The following PRRT3 variants were observed in gnomAD, a reference collection of about 807,000 sequenced individuals.
PRRT3 encodes the protein proline rich transmembrane protein 3, also known as proline-rich transmembrane protein 3.
Under a neutral mutation model 56.6 loss-of-function variants are expected in PRRT3, and 48 were observed. The ratio of observed to expected loss-of-function variants is 0.85; its 90% CI spans 0.67 to 1.08. The LOEUF (loss-of-function observed/expected upper bound fraction) is 1.08, where lower values mean the gene tolerates loss of function less well. PRRT3 is among the 50% of genes least tolerant of loss of function. The pLI, the probability that PRRT3 is intolerant of heterozygous loss-of-function variation, is 0.00. For synonymous variants in PRRT3, 641 were observed against 619.1 expected, an observed-to-expected ratio of 1.04 and a Z score of -0.52; for missense variants, 1,370 against 1,353.1, an observed-to-expected ratio of 1.01 and a Z score of -0.20.
At position 9,949,616 on chromosome 3, in the gene PRRT3, G is replaced by A; in HGVS notation, c.500C>T (p.Thr167Ile). 1 of 1,614,186 alleles carries A rather than the reference G, an allele frequency of 6.2e-7. No individual in the cohort carries two copies. Among genetic ancestry groups the A allele is most frequent in the Non-Finnish European group, 8.5e-7 (1 of 1,180,044 alleles). ...TTPRRQLRVA[T>I]VPPSLQHEGQ... ...TTCATGCTGCAGGGAGGGAGGAACT[G>A]TGGCTACCCTGAGTTGACGTCTGGG... The change falls in exon 2 of 4, where the codon ACA (threonine) becomes ATA (isoleucine). Residue 167 changes from threonine (T) to isoleucine (I), a missense_variant. Transcript: ENST00000412055. The surrounding 1 kb of genome is among the most constrained non-coding windows in gnomAD (Gnocchi z 4.5).
Position 9,947,867 on chromosome 3 carries a change from G to C in PRRT3, c.1306C>G (p.Pro436Ala). 1 of 1,426,890 alleles carries C rather than the reference G, an allele frequency of 7.0e-7. No individual in the cohort carries two copies. Among genetic ancestry groups the C allele is most frequent in the Non-Finnish European group, 9.2e-7 (1 of 1,090,368 alleles). The allele number at this position is 1,426,890 out of a possible 1,614,324, so 88.4% of individuals were successfully genotyped here. A position where few individuals can be genotyped will look rare whatever the true frequency, so the allele number is the denominator to read the frequency against. ...RALGQPPPPE[P>A]TASSMASAPA... ...GCTGAAGCCATGGAGCTGGCGGTGG[G>C]CTCCGGAGGGGGAGGCTGGCCCAGG... Residue 436 changes from proline to alanine, a missense_variant, in exon 4 of 4, where the codon CCC (proline) becomes GCC (alanine). Transcript: ENST00000412055. This position sits in a 1 kb window ranked among gnomAD's most constrained non-coding sequence, Gnocchi z 9.2.
chr3:9,947,993 C>A lies in PRRT3; in HGVS notation c.1180G>T (p.Glu394Ter). 1 of 1,343,320 alleles carries A rather than the reference C, an allele frequency of 7.4e-7. No individual in the cohort carries two copies. The highest frequency in any genetic ancestry group is 2.8e-5 in the East Asian group (1 of 35,480). The allele number at this position is 1,343,320 out of a possible 1,614,324, so 83.2% of individuals were successfully genotyped here. A position where few individuals can be genotyped will look rare whatever the true frequency, so the allele number is the denominator to read the frequency against. ...CTTTGGGGGCGCCCCGGCCACTCCT[C>A]GGCTTCATCTGCAATTATAACAATA... ...PMGALQPDEA[E>*]EWPGRPQSHP... The change falls in exon 4 of 4, where the codon GAG becomes TAG. Residue 394 changes from glutamate (E) to a stop codon, truncating the protein, a stop_gained. Transcript: ENST00000412055. LOFTEE classifies it high-confidence loss of function. The surrounding 1 kb of genome is among the most constrained non-coding windows in gnomAD (Gnocchi z 9.2).
chr3:9,950,174 T>TAA lies in PRRT3; in HGVS notation c.-57-4_-57-3dup. On this transcript the variant is annotated splice_polypyrimidine_tract_variant and splice_region_variant and intron_variant, in intron 1 of 3. Coordinates refer to ENST00000412055, the MANE Select transcript of PRRT3 (RefSeq NM_207351.5). ...CCTTCCAGTCCTCACTGGATGAGCC[T>TAA]AAAAAAAAAACAGGGCATGGAATGA... 34 of 1,092,526 alleles carry TAA rather than the reference T, an allele frequency of 3.1e-5. No homozygotes were observed. The highest frequency in any genetic ancestry group is 1.1e-4 in the South Asian group (3 of 27,466). The allele number at this position is 1,092,526 out of a possible 1,614,324, so 67.7% of individuals were successfully genotyped here.
At position 9,946,255 on chromosome 3, in the gene PRRT3, C is replaced by A; in HGVS notation, c.2918G>T (p.Ser973Ile). The change falls in exon 4 of 4, where the codon AGC becomes ATC. Residue 973 changes from serine (S) to isoleucine (I), a missense_variant. Ser to Ile is a moderately radical substitution (Grantham distance 142, BLOSUM62 -2). Transcript: ENST00000412055. The surrounding 1 kb of genome is among the most constrained non-coding windows in gnomAD (Gnocchi z 4.1). ...QPRGKPGESR[S>I]ASSDTIEL ...AAGCTCGATGGTATCACTGGAGGCGCTGCGGGATTCCCCAGGCTTGCCGCG... is the reference window on the plus strand; with the variant it reads ...AAGCTCGATGGTATCACTGGAGGCGATGCGGGATTCCCCAGGCTTGCCGCG... 2 of 1,612,770 alleles carry A rather than the reference C, an allele frequency of 1.2e-6. No homozygotes were observed. Among genetic ancestry groups the A allele is most frequent in the Non-Finnish European group, 1.7e-6 (2 of 1,179,834 alleles).
rs2085598844 is a variant in PRRT3, at chr3:9,950,004, C to G, written c.112G>C (p.Glu38Gln). 1.3e-6 allele frequency: 2 copies of G among 1,533,826 alleles called. No homozygotes were observed. Among genetic ancestry groups the G allele is most frequent in the African/African-American group, 1.4e-5 (1 of 71,904 alleles). ...RGFPRPLENS[E>Q]IPMIPGAHPK... ...TGGGCTCCAGGGATCATAGGGATTT[C>G]GGAGTTTTCAAGTGGCCTGGGAAAG... The change falls in exon 2 of 4, where the codon GAA becomes CAA. Residue 38 changes from glutamate to glutamine, a missense_variant. Transcript: ENST00000412055.
At position 9,950,007 on chromosome 3, in the gene PRRT3, AGTTTTC is replaced by A. The variant is rs774453671; in HGVS notation, c.103_108del (p.Glu35_Asn36del). 3.3e-6 allele frequency: 5 copies of A among 1,531,530 alleles called. No individual in the cohort carries two copies. The highest frequency in any genetic ancestry group is 1.8e-4 in the Middle Eastern group (1 of 5,650). 94.9% of individuals were successfully genotyped at this position (1,531,530 alleles called of 1,614,324 possible). A position where few individuals can be genotyped will look rare whatever the true frequency, so the allele number is the denominator to read the frequency against. On this transcript the variant is annotated inframe_deletion, in exon 2 of 4. Coordinates refer to ENST00000412055, the MANE Select transcript of PRRT3 (RefSeq NM_207351.5). ...GCTCCAGGGATCATAGGGATTTCGG[AGTTTTC>A]AAGTGGCCTGGGAAAGCCCCTCCCC...
In PRRT3 at chr3:9,946,863, G is replaced by T; in HGVS notation, c.2310C>A (p.Gly770=). ...ESGQLATPSS[G]AWGSAASLGR... ...CCAACGACGCAGCCGAGCCCCAGGC[G>T]CCTGAACTGGGCGTGGCCAGCTGCC... Residue 770 remains glycine (G), a synonymous_variant, in exon 4 of 4, where the codon GGC becomes GGA. Coordinates refer to ENST00000412055, the MANE Select transcript of PRRT3 (RefSeq NM_207351.5). The surrounding 1 kb of genome is among the most constrained non-coding windows in gnomAD (Gnocchi z 4.1). 6.5e-6 allele frequency: 10 copies of T among 1,539,558 alleles called. No individual in the cohort carries two copies. Among genetic ancestry groups the T allele is most frequent in the East Asian group, 2.4e-5 (1 of 41,446 alleles).
rs780516762 is a variant in PRRT3 at position 9,949,261 on chromosome 3, C to T, written c.855G>A (p.Pro285=). The T allele has an allele frequency of 1.7e-5, 28 of 1,602,966 alleles. No homozygotes were observed. Among genetic ancestry groups the T allele is most frequent in the Middle Eastern group, 1.7e-4 (1 of 5,998 alleles). ...CGCCAGCCCTCTTGGGGGTCTCAAC[C>T]GGCAGCTCCTCAGCAGGAGGAAGGC... ...ARSLPPAEEL[P]VETPKRAGAE... The change falls in exon 2 of 4, where the codon CCG becomes CCA. Residue 285 remains proline, a synonymous_variant. Transcript: ENST00000412055. This position sits in a 1 kb window ranked among gnomAD's most constrained non-coding sequence, Gnocchi z 4.5.
Position 9,946,742 on chromosome 3 carries a change from T to C in PRRT3, c.2431A>G (p.Asn811Asp). Residue 811 changes from asparagine (N) to aspartate (D), a missense_variant, in exon 4 of 4, where the codon AAC (asparagine) becomes GAC (aspartate). By Grantham distance (23) the Asn-to-Asp change is conservative. Transcript: ENST00000412055. This position sits in a 1 kb window ranked among gnomAD's most constrained non-coding sequence, Gnocchi z 4.1. ...GCGGCGTCGATGCTGCGGCTCAGGT[T>C]GATGGGCGATGGCGGCCGCAGATCC... ...ELDLRPPSPI[N>D]LSRSIDAALF... 6.6e-7 allele frequency: 1 copy of C among 1,525,854 alleles called. No homozygotes were observed. Among genetic ancestry groups the C allele is most frequent in the Non-Finnish European group, 8.7e-7 (1 of 1,145,692 alleles). The allele number at this position is 1,525,854 out of a possible 1,614,324, so 94.5% of individuals were successfully genotyped here.
Position 9,946,444 on chromosome 3 carries a change from C to T in PRRT3, c.2729G>A (p.Gly910Asp), listed in dbSNP as rs1208780430. Residue 910 changes from glycine (G) to aspartate (D), a missense_variant, in exon 4 of 4, where the codon GGT becomes GAT. Transcript: ENST00000412055. This position sits in a 1 kb window ranked among gnomAD's most constrained non-coding sequence, Gnocchi z 4.1. ...GGGGTTCCAACTGATCTTGAGTGAA[C>T]CCCTGGAGAAGCTGTCGAGGGAGCT... is the stretch of plus-strand genomic sequence containing the variant. ...SGSSLDSFSR[G>D]SLKISWNPWR... is the part of the protein sequence containing the mutation. The T allele has an allele frequency of 6.3e-7, 1 of 1,587,384 alleles. No homozygotes were observed. Among genetic ancestry groups the T allele is most frequent in the Non-Finnish European group, 8.6e-7 (1 of 1,167,154 alleles).
At position 9,947,406 on chromosome 3, in the gene PRRT3, G is replaced by A; in HGVS notation, c.1767C>T (p.Asp589=). 1 of 1,612,472 alleles carries A rather than the reference G, an allele frequency of 6.2e-7. No individual in the cohort carries two copies. Among genetic ancestry groups the A allele is most frequent in the Non-Finnish European group, 8.5e-7 (1 of 1,179,648 alleles). ...LVHGVGLLAT[D]LLSTWSVLNL... ...TGAGCACAGACCATGTGGACAGCAG[G>A]TCTGTCGCGAGCAACCCTACACCAT... Residue 589 remains aspartate (D), a synonymous_variant, in exon 4 of 4, where the codon GAC becomes GAT. Transcript: ENST00000412055. The surrounding 1 kb of genome is among the most constrained non-coding windows in gnomAD (Gnocchi z 9.2).
chr3:9,948,882 G>A lies in PRRT3; in HGVS notation c.1047C>T (p.Ile349=), dbSNP rs757174202. Reference sequence around the variant, plus strand: ...CAGCTCCTCTCACCCGCTGGGGGGAGATGGGGTCTGCTCCATTCATTGCTG... The same window carrying A: ...CAGCTCCTCTCACCCGCTGGGGGGAAATGGGGTCTGCTCCATTCATTGCTG... ...ERAAMNGADP[I]SPQRVRGAVE... Residue 349 remains isoleucine, a synonymous_variant, in exon 3 of 4, where the codon ATC becomes ATT. Transcript: ENST00000412055. 6.2e-7 allele frequency: 1 copy of A among 1,604,200 alleles called. No homozygotes were observed. The highest frequency in any genetic ancestry group is 1.7e-5 in the Admixed American group (1 of 57,992).
rs1234779604 is a variant in PRRT3 at position 9,949,747 on chromosome 3, G to T, written c.369C>A (p.Ser123Arg). The change falls in exon 2 of 4, where the codon AGC (serine) becomes AGA (arginine). Residue 123 changes from serine (S) to arginine (R), a missense_variant. Ser to Arg is a moderately radical substitution (Grantham distance 110, BLOSUM62 -1). Transcript: ENST00000412055. This position sits in a 1 kb window ranked among gnomAD's most constrained non-coding sequence, Gnocchi z 4.5. ...CCAGAGGTCCTGTCCAGCCGTGGGA[G>T]CTTGGTCCTTGAGCCATCTGGAGGT... ...TDDLQMAQGP[S>R]SHGWTGPLDS... is the part of the protein sequence containing the mutation. 6.2e-7 allele frequency: 1 copy of T among 1,614,192 alleles called. No individual in the cohort carries two copies. The highest frequency in any genetic ancestry group is 8.5e-7 in the Non-Finnish European group (1 of 1,180,030).
In PRRT3 at chr3:9,950,144, C is replaced by T. The variant is rs1055148199; in HGVS notation, c.-29G>A. 3.1e-5 allele frequency: 44 copies of T among 1,398,660 alleles called. No individual in the cohort carries two copies. The highest frequency in any genetic ancestry group is 4.1e-5 in the Non-Finnish European group (44 of 1,071,174). 86.6% of individuals were successfully genotyped at this position (1,398,660 alleles called of 1,614,324 possible). ...CTACTCCGATGCCTGGGCCTAAAGC[C>T]CCCACCTTCCAGTCCTCACTGGATG... is the stretch of plus-strand genomic sequence containing the variant. On this transcript the variant is annotated 5_prime_UTR_variant, in exon 2 of 4. Transcript: ENST00000412055.
In PRRT3 at chr3:9,947,824, G is replaced by A; in HGVS notation, c.1349C>T (p.Pro450Leu). 2 of 1,441,212 alleles carry A rather than the reference G, an allele frequency of 1.4e-6. No homozygotes were observed. Among genetic ancestry groups the A allele is most frequent in the East Asian group, 2.6e-5 (1 of 38,182 alleles). 89.3% of individuals were successfully genotyped at this position (1,441,212 alleles called of 1,614,324 possible). ...TAGCGGGGGTGCAGTGGCGTTGGCT[G>A]GGGGGCTGGAGGCTGGGGCTGAAGC... ...SMASAPASSP[P>L]ANATAPPLRW... The change falls in exon 4 of 4, where the codon CCA becomes CTA. Residue 450 changes from proline (P) to leucine (L), a missense_variant. Pro to Leu is a moderately conservative substitution (Grantham distance 98, BLOSUM62 -3). Coordinates refer to ENST00000412055, the MANE Select transcript of PRRT3 (RefSeq NM_207351.5). The surrounding 1 kb of genome is among the most constrained non-coding windows in gnomAD (Gnocchi z 9.2).
chr3:9,947,480 GC>G lies in PRRT3; in HGVS notation c.1692del (p.Pro565ArgfsTer19). ...AGGAGTGGGTTTTGCAGCGGTGGCGGCAGCCCCGCGCCCAGGCCGAGCAGAG... is the reference window on the plus strand; with the variant it reads ...AGGAGTGGGTTTTGCAGCGGTGGCGGAGCCCCGCGCCCAGGCCGAGCAGAG... ...ALTLLGLGAG[L>X]PPPLQNPLLL... On this transcript the variant is annotated frameshift_variant, in exon 4 of 4. Transcript: ENST00000412055. LOFTEE classifies it high-confidence loss of function. This position sits in a 1 kb window ranked among gnomAD's most constrained non-coding sequence, Gnocchi z 9.2. The G allele has an allele frequency of 1.2e-6, 2 of 1,612,268 alleles. No homozygotes were observed. The highest frequency in any genetic ancestry group is 1.7e-6 in the Non-Finnish European group (2 of 1,179,628).
rs770495690 is a variant in PRRT3 at position 9,949,990 on chromosome 3, G to A, written c.126C>T (p.Ile42=). 9.1e-6 allele frequency: 14 copies of A among 1,543,442 alleles called. No individual in the cohort carries two copies. In the South Asian group the frequency reaches 1.6e-4, roughly 18 times the overall value. ...RPLENSEIPM[I]PGAHPKGSVG... ...CAGAGCCCTTGGGGTGGGCTCCAGG[G>A]ATCATAGGGATTTCGGAGTTTTCAA... The change falls in exon 2 of 4, where the codon ATC becomes ATT. Residue 42 remains isoleucine (I), a synonymous_variant. Transcript: ENST00000412055. This position sits in a 1 kb window ranked among gnomAD's most constrained non-coding sequence, Gnocchi z 4.5.
In PRRT3 at chr3:9,949,108, A is replaced by C. The variant is rs2085576849; in HGVS notation, c.1008T>G (p.Ser336=). 1 of 1,602,342 alleles carries C rather than the reference A, an allele frequency of 6.2e-7. No individual in the cohort carries two copies. The highest frequency in any genetic ancestry group is 1.7e-5 in the Admixed American group (1 of 57,772). ...ACACTCATTGATACCCACCTGGCTT[A>C]GACGGCCGATCAGGAGCCTCTGAGG... The part of the protein sequence containing the change: ...PPASEAPDRP[S]KPERAAMNGA... The change falls in exon 2 of 4, where the codon TCT becomes TCG. Residue 336 remains serine (S), a synonymous_variant. Coordinates refer to ENST00000412055, the MANE Select transcript of PRRT3 (RefSeq NM_207351.5). The surrounding 1 kb of genome is among the most constrained non-coding windows in gnomAD (Gnocchi z 4.5).
In PRRT3 at chr3:9,951,162, A is replaced by G. The variant is rs879283197; in HGVS notation, c.-57-990T>C. On this transcript the variant is annotated intron_variant, in intron 1 of 3. Coordinates refer to ENST00000412055, the MANE Select transcript of PRRT3 (RefSeq NM_207351.5). ...TTATTTCAAACCTGCAGCCTCCAGT[A>G]TATACCTGGCCCCACGTGGATATCC... 7.9e-5 allele frequency among the ~76,000 whole-genome samples: 12 copies of G among 152,130 alleles called. 1 individual carries two copies. The highest frequency in any genetic ancestry group is 7.9e-4 in the Admixed American group (12 of 15,272).
Sources: gnomAD v4.1 joint callset for allele counts (sites outside exome capture counted in the v4.1 genomes callset) on GRCh38, gnomAD v4.1.1 for gene constraint, Gnocchi (gnomAD v3.1) non-coding constraint, MANE v1.5 for transcripts, NCBI Gene and HGNC (gene_info 2026-07-23, HGNC 2026-07-21) for gene names.